The following FBXL7 variants were observed in gnomAD, a reference collection of about 807,000 sequenced individuals.
FBXL7 encodes F-box and leucine rich repeat protein 7, also known as F-box/LRR-repeat protein 7.
A neutral mutation model predicts 38.3 loss-of-function variants in FBXL7; 12 were observed. The ratio of observed to expected loss-of-function variants is 0.31; its 90% CI spans 0.20 to 0.51. FBXL7 has a LOEUF of 0.51. Ranked by LOEUF, FBXL7 falls within the 20% of genes least tolerant of loss-of-function variation. The pLI is 0.98. For missense variants in FBXL7, 567 were observed against 676.4 expected (o/e 0.84, Z 1.79); for synonymous variants, 297 against 300.9 (o/e 0.99, Z 0.13).
At chr5:15,640,489 G>T (rs1488741052) in intron 2 of FBXL7, among the ~76,000 whole-genome samples, 1 of 151,736 alleles carries the variant, frequency 6.6e-6, no homozygotes, top group Non-Finnish European at 1.5e-5. Flanking sequence ...TCCAAATAAG[G>T]TCACATTCTG....
intron 1 of FBXL7, among the ~76,000 whole-genome samples, chr5:15,513,397 C>T (rs902672620): frequency 2.6e-5 from 4 of 152,032 alleles, no homozygotes; most frequent in Non-Finnish European, 5.9e-5. Flanking sequence ...TAAAGGATCA[C>T]CATAATAATC....
At chr5:15,809,989 A>C (rs1737814810) in intron 2 of FBXL7, among the ~76,000 whole-genome samples, 1 of 152,192 alleles carries the variant, frequency 6.6e-6, no homozygotes, top group Non-Finnish European at 1.5e-5. Context: ...TTCTTTGGAA[A>C]ACACAAAATA....
At chr5:15,678,353 C>T (rs1248506796) in intron 2 of FBXL7, among the ~76,000 whole-genome samples, 1 of 152,004 alleles carries the variant, frequency 6.6e-6, no homozygotes, top group East Asian at 1.9e-4. Context: ...ACTCTTCAGC[C>T]CAGAAAACAG....
At chr5:15,819,013 A>AT (rs1345041741) in intron 2 of FBXL7, among the ~76,000 whole-genome samples, 4 of 152,174 alleles carry the variant, frequency 2.6e-5, no homozygotes, top group Non-Finnish European at 5.9e-5. Flanking sequence ...CTGATTTATG[A>AT]TAACTTCCAA....
intron 2 of FBXL7, among the ~76,000 whole-genome samples, chr5:15,641,310 G>A (rs867360312): frequency 2.0e-5 from 3 of 152,224 alleles, no homozygotes; most frequent in Middle Eastern, 3.4e-3. Context: ...ACCCAAACAA[G>A]ATGGAGTCCT....
chr5:15,841,150 C>T (rs559918740), intron 2 of FBXL7, among the ~76,000 whole-genome samples: 2 of 151,962 alleles, frequency 1.3e-5, no homozygotes, highest in East Asian at 3.9e-4. Flanking sequence ...AATTCTTATA[C>T]TATTAACTTC....
chr5:15,715,322 C>G (rs919992095), intron 2 of FBXL7, among the ~76,000 whole-genome samples: 2 of 151,892 alleles, frequency 1.3e-5, no homozygotes, highest in Non-Finnish European at 2.9e-5. Flanking sequence ...GAAACCCCGT[C>G]TCTACCAAAA....
intron 2 of FBXL7, among the ~76,000 whole-genome samples, chr5:15,786,288 A>T (rs1336899747): frequency 6.6e-6 from 1 of 151,398 alleles, no homozygotes; most frequent in Non-Finnish European, 1.5e-5. Flanking sequence ...CCCTTCTTTC[A>T]TTCCTCCACA....
chr5:15,914,309 C>T (rs1741524671), intron 2 of FBXL7, among the ~76,000 whole-genome samples: 1 of 150,078 alleles, frequency 6.7e-6, no homozygotes, highest in Non-Finnish European at 1.5e-5. Context: ...TGGTGTGAAC[C>T]TGGGAGGCAG....
rs1243546637 is a variant in FBXL7 at position 15,572,793 on chromosome 5, C to T, written c.38-43190C>T. On this transcript the variant is annotated intron_variant, in intron 1 of 3. Transcript: ENST00000504595. ...CTATAGTCTGTCTTCTCCCTTCATG[C>T]CCTTGTCCAAGCAGCGTAAACCACA... Among the ~76,000 whole-genome samples the T allele has an allele frequency of 2.0e-5, 3 of 152,240 alleles. No individual in the cohort carries two copies. In the East Asian group the frequency reaches 5.8e-4, roughly 29 times the overall value.
intron 2 of FBXL7, among the ~76,000 whole-genome samples, chr5:15,776,248 G>A (rs1244217059): frequency 6.6e-6 from 1 of 152,072 alleles, no homozygotes; most frequent in Admixed American, 6.6e-5. Flanking sequence ...GCAAGAATTA[G>A]CAATCATATA....
intron 1 of FBXL7, among the ~76,000 whole-genome samples, chr5:15,596,681 A>G (rs182938078): frequency 1.4e-4 from 22 of 152,332 alleles, no homozygotes; most frequent in Admixed American, 1.4e-3. Context: ...AGAATCCCCA[A>G]GGCGGGGAGA....
chr5:15,703,898 A>C lies in FBXL7; in HGVS notation c.127+87826A>C, dbSNP rs546285442. Reference sequence around the variant, plus strand: ...ATAATAAATACAATTGTATTTTCCCAGAATGTAAAGATACTGTCGACATAT... The same window carrying C: ...ATAATAAATACAATTGTATTTTCCCCGAATGTAAAGATACTGTCGACATAT... On this transcript the variant is annotated intron_variant, in intron 2 of 3. Coordinates refer to ENST00000504595, the MANE Select transcript of FBXL7 (RefSeq NM_012304.5). 6.3e-3 allele frequency among the ~76,000 whole-genome samples: 957 copies of C among 152,348 alleles called. 11 individuals carry two copies. Among genetic ancestry groups the C allele is most frequent in the African/African-American group, 0.022 (906 of 41,584 alleles).
At chr5:15,521,567 A>G (rs1361304803) in intron 1 of FBXL7, among the ~76,000 whole-genome samples, 1 of 152,186 alleles carries the variant, frequency 6.6e-6, no homozygotes, top group Admixed American at 6.5e-5. Context: ...GGCGGTGGTT[A>G]TATAGATTTA....
intron 1 of FBXL7, among the ~76,000 whole-genome samples, chr5:15,614,974 A>C (rs937637748): frequency 3.3e-5 from 5 of 152,130 alleles, no homozygotes; most frequent in African/African-American, 1.2e-4. Context: ...AAAATGCCTT[A>C]CCTTCACGAT....
chr5:15,657,838 A>G (rs1034179294), intron 2 of FBXL7, among the ~76,000 whole-genome samples: 1 of 133,612 alleles, frequency 7.5e-6, no homozygotes, highest in African/African-American at 2.8e-5. Flanking sequence ...AACTTTGTCT[A>G]AATTAAAAAA....
At chr5:15,800,694 C>CT (rs1459548729) in intron 2 of FBXL7, among the ~76,000 whole-genome samples, 4 of 152,158 alleles carry the variant, frequency 2.6e-5, no homozygotes, top group Non-Finnish European at 4.4e-5. Context: ...TGAAAGTGGA[C>CT]AGAGGAGACC....
chr5:15,565,488 A>T (rs1217844963), intron 1 of FBXL7, among the ~76,000 whole-genome samples: 2 of 151,194 alleles, frequency 1.3e-5, no homozygotes, highest in African/African-American at 4.8e-5. Context: ...ATAATATATA[A>T]TAAAACTAGG....
chr5:15,903,325 A>T (rs551221173), intron 2 of FBXL7, among the ~76,000 whole-genome samples: 2 of 152,294 alleles, frequency 1.3e-5, no homozygotes, highest in South Asian at 4.1e-4. Flanking sequence ...ATGAAATCTG[A>T]CAGGTTCTCC....
Sources: allele counts gnomAD v4.1 joint callset (sites outside exome capture counted in the v4.1 genomes callset), GRCh38; gene constraint gnomAD v4.1.1; transcripts MANE v1.5; gene names NCBI Gene and HGNC (gene_info 2026-07-23, HGNC 2026-07-21).